The following PRKN variants were observed in gnomAD, a reference collection of about 807,000 sequenced individuals.
PRKN encodes E3 ubiquitin-protein ligase parkin.
A neutral mutation model predicts 59.5 loss-of-function variants in PRKN; 56 were observed. That is an observed-to-expected ratio of 0.94 (90% CI 0.76 to 1.18). The LOEUF is 1.18. Among genes scored for constraint, PRKN ranks in the 50% most tolerant of loss-of-function variants. The probability of loss-of-function intolerance (pLI) is 0.00; values close to 1 mark genes in which losing one functional copy is unlikely to be tolerated. For missense variants in PRKN, 657 were observed against 596.4 expected, an observed-to-expected ratio of 1.10 and a Z score of -1.06; for synonymous variants, 250 against 222.1, an observed-to-expected ratio of 1.13 and a Z score of -1.12.
intron 10 of PRKN, among the ~76,000 whole-genome samples, chr6:161,374,698 TGC>T (rs1785610725): frequency 7.4e-6 from 1 of 134,600 alleles, no homozygotes; most frequent in Non-Finnish European, 1.7e-5. Context: ...GTGTGATGTG[TGC>T]GTTATGTTTA....
intron 6 of PRKN, among the ~76,000 whole-genome samples, chr6:161,869,209 T>G (rs917121574): frequency 6.6e-6 from 1 of 152,068 alleles, no homozygotes; most frequent in Non-Finnish European, 1.5e-5. Context: ...CGAAACCCCA[T>G]GTCTGCTAAA....
chr6:162,222,118 T>C (rs940046561), intron 3 of PRKN, among the ~76,000 whole-genome samples: 1 of 152,128 alleles, frequency 6.6e-6, no homozygotes, highest in Non-Finnish European at 1.5e-5. Flanking sequence ...GGAGGCAGAA[T>C]TCTATGATAA....
At chr6:161,945,002 T>C (rs1466956917) in intron 6 of PRKN, among the ~76,000 whole-genome samples, 1 of 152,184 alleles carries the variant, frequency 6.6e-6, no homozygotes, top group Non-Finnish European at 1.5e-5. Context: ...AAGTTATATA[T>C]GAGGAAGATT....
Position 161,462,590 on chromosome 6 carries a change from T to G in PRKN, c.1084-75713A>C, listed in dbSNP as rs1190757518. ...GTCTGATCAGCAATATAGCTCACCCTTATTTTAAAAGGTCTACTTTGAATG... is the reference window on the plus strand; with the variant it reads ...GTCTGATCAGCAATATAGCTCACCCGTATTTTAAAAGGTCTACTTTGAATG... On this transcript the variant is annotated intron_variant, in intron 9 of 11. Transcript: ENST00000366898. The surrounding 1 kb of genome is among the most constrained non-coding windows in gnomAD (Gnocchi z 4.5). 6.6e-6 allele frequency among the ~76,000 whole-genome samples: 1 copy of G among 152,012 alleles called. No individual in the cohort carries two copies. The highest frequency in any genetic ancestry group is 2.4e-5 in the African/African-American group (1 of 41,264).
chr6:162,179,646 C>T (rs1462125439), intron 4 of PRKN, among the ~76,000 whole-genome samples: 1 of 152,104 alleles, frequency 6.6e-6, no homozygotes, highest in Non-Finnish European at 1.5e-5. Flanking sequence ...AGAATGGCAT[C>T]AAGTTGCACA....
intron 7 of PRKN, among the ~76,000 whole-genome samples, chr6:161,616,359 G>A (rs564836351): frequency 6.6e-6 from 1 of 151,472 alleles, no homozygotes; most frequent in East Asian, 1.9e-4. Context: ...AAATTAGTGT[G>A]TAAAAATAAA....
At chr6:162,364,979 CTT>C (rs574680485) in intron 2 of PRKN, among the ~76,000 whole-genome samples, 5,031 of 126,688 alleles carry the variant, frequency 0.04, 277 homozygotes, top group African/African-American at 0.14. Context: ...CTCTCTCTCT[CTT>C]TTTTTTTTTT....
intron 2 of PRKN, among the ~76,000 whole-genome samples, chr6:162,291,521 C>T (rs1333368243): frequency 8.5e-5 from 13 of 152,206 alleles, no homozygotes; most frequent in South Asian, 2.1e-4. Context: ...CAGCACTTCA[C>T]GGGAGGGTGT....
intron 4 of PRKN, among the ~76,000 whole-genome samples, chr6:162,198,292 C>T (rs1784579829): frequency 2.6e-5 from 4 of 151,972 alleles, no homozygotes; most frequent in South Asian, 2.1e-4. Context: ...GAACATCCCT[C>T]CCAGGATGCT....
rs563151898 is a variant in PRKN at position 161,419,965 on chromosome 6, G to T, written c.1084-33088C>A. Among the ~76,000 whole-genome samples the T allele has an allele frequency of 5.9e-5, 9 of 152,008 alleles. No individual in the cohort carries two copies. The highest frequency in any genetic ancestry group is 1.4e-4 in the African/African-American group (6 of 41,396). Reference sequence around the variant, plus strand: ...GTTTAAGAACTTGATAAGGCTGGGCGTGGTGGCTCACGCCTGTAATCCCAG... The same window carrying T: ...GTTTAAGAACTTGATAAGGCTGGGCTTGGTGGCTCACGCCTGTAATCCCAG... On this transcript the variant is annotated intron_variant, in intron 9 of 11. Transcript: ENST00000366898. The surrounding 1 kb of genome is among the most constrained non-coding windows in gnomAD (Gnocchi z 4.1).
rs1009054586 is a variant in PRKN at position 161,530,042 on chromosome 6, A to C, written c.1083+18812T>G. Among the ~76,000 whole-genome samples the C allele has an allele frequency of 2.6e-5, 4 of 151,780 alleles. No homozygotes were observed. The highest frequency in any genetic ancestry group is 6.6e-5 in the Admixed American group (1 of 15,258). On this transcript the variant is annotated intron_variant, in intron 9 of 11. Transcript: ENST00000366898. The surrounding 1 kb of genome is among the most constrained non-coding windows in gnomAD (Gnocchi z 5.0). ...TACTTAAGAAGCATTTAAAAAAAAA[A>C]CCCTCATTCATTTCACACCACTCTG...
chr6:161,601,871 C>T (rs1023422970), intron 7 of PRKN, among the ~76,000 whole-genome samples: 4 of 152,122 alleles, frequency 2.6e-5, no homozygotes, highest in African/African-American at 4.8e-5. Flanking sequence ...CATGAGCCAC[C>T]GCGCCCGGCA....
At chr6:162,722,683 CTT>C (rs1040605874) in intron 1 of PRKN, among the ~76,000 whole-genome samples, 1 of 151,822 alleles carries the variant, frequency 6.6e-6, no homozygotes, top group East Asian at 1.9e-4. Context: ...AGTAAGAACT[CTT>C]TTTTTTGCAT....
At chr6:162,270,686 C>T (rs1241360357) in intron 2 of PRKN, 3 of 152,194 alleles carry the variant, frequency 2.0e-5, no homozygotes, top group Non-Finnish European at 4.4e-5. Flanking sequence ...ATAGTGTTAA[C>T]AGATTCTAAT....
chr6:162,379,867 G>A (rs1786332114), intron 2 of PRKN, among the ~76,000 whole-genome samples: 1 of 152,172 alleles, frequency 6.6e-6, no homozygotes, highest in Non-Finnish European at 1.5e-5. Context: ...TTATTTCAGA[G>A]AAGACTTCTG....
At chr6:162,562,495 T>G (rs533077899) in intron 1 of PRKN, among the ~76,000 whole-genome samples, 18 of 152,142 alleles carry the variant, frequency 1.2e-4, no homozygotes, top group Non-Finnish European at 2.5e-4. Context: ...CCAGACCAGG[T>G]GGCATTCACT....
At chr6:162,355,575 C>A (rs943007214) in intron 2 of PRKN, among the ~76,000 whole-genome samples, 1 of 151,902 alleles carries the variant, frequency 6.6e-6, no homozygotes, top group Non-Finnish European at 1.5e-5. Flanking sequence ...AAACCATTTA[C>A]CTAACTGCAG....
Position 162,093,818 on chromosome 6 carries a change from G to A in PRKN, c.535-39644C>T, listed in dbSNP as rs113823181. Among the ~76,000 whole-genome samples, 960 of 152,272 alleles carry A rather than the reference G, an allele frequency of 6.3e-3. 14 individuals are homozygous for A. The highest frequency in any genetic ancestry group is 0.022 in the African/African-American group (895 of 41,552). On this transcript the variant is annotated intron_variant, in intron 4 of 11. Transcript: ENST00000366898. ...CTCAGCAGCTAGGGGTTCCCTGAAA[G>A]CAGGGACAAAGCCGTGGTCTTCCTT...
At chr6:161,824,918 A>T in intron 6 of PRKN, among the ~76,000 whole-genome samples, 1 of 152,244 alleles carries the variant, frequency 6.6e-6, no homozygotes, top group African/African-American at 2.4e-5. Flanking sequence ...CAAATATGTA[A>T]GCAGTCACTA....
Sources: allele counts gnomAD v4.1 joint callset (sites outside exome capture counted in the v4.1 genomes callset), GRCh38; gene constraint gnomAD v4.1.1; non-coding constraint Gnocchi (gnomAD v3.1); transcripts MANE v1.5; gene names NCBI Gene and HGNC (gene_info 2026-07-23, HGNC 2026-07-21).